Variants in MAF observed in about 807,000 individuals in gnomAD.
MAF encodes the protein MAF bZIP transcription factor, also known as transcription factor Maf.
In MAF, 10 loss-of-function variants were observed where a neutral mutation model predicts 22.0. The observed-to-expected ratio is 0.45, with a 90% confidence interval of 0.28 to 0.77. The LOEUF is 0.77. Ranked by LOEUF, MAF falls within the 30% of genes least tolerant of loss-of-function variation. The pLI is 0.12. For synonymous variants in MAF, 337 were observed against 255.8 expected (o/e 1.32, Z -3.03); for missense variants, 544 against 548.4 (o/e 0.99, Z 0.08).
At chr16:79,580,405 G>A in the MAF span, among the ~76,000 whole-genome samples, 2 of 152,172 alleles carry the variant, frequency 1.3e-5, no homozygotes. Flanking sequence ...GAATGCCTAG[G>A]ACACATCAAT....
the MAF span, among the ~76,000 whole-genome samples, chr16:79,229,044 C>G: frequency 6.6e-6 from 1 of 151,780 alleles, no homozygotes; most frequent in Admixed American, 6.6e-5. Flanking sequence ...AGAAAAAGCC[C>G]AATCAGCCAC....
the MAF span, among the ~76,000 whole-genome samples, chr16:79,513,645 C>T: frequency 6.6e-6 from 1 of 152,166 alleles, no homozygotes; most frequent in Non-Finnish European, 1.5e-5. Flanking sequence ...CTTAATCTCC[C>T]TGTCCCTCTG....
chr16:79,466,139 C>A, the MAF span, among the ~76,000 whole-genome samples: 2 of 152,138 alleles, frequency 1.3e-5, no homozygotes, highest in African/African-American at 4.8e-5. Context: ...TACTACCTGG[C>A]CTTCTACAAT....
the MAF span, among the ~76,000 whole-genome samples, chr16:79,454,734 G>A: frequency 6.6e-6 from 1 of 151,658 alleles, no homozygotes; most frequent in African/African-American, 2.4e-5. Flanking sequence ...TCAGCATGGT[G>A]ACCTGGAGAG....
At chr16:79,211,364 C>G in the MAF span, among the ~76,000 whole-genome samples, 39 of 152,142 alleles carry the variant, frequency 2.6e-4, no homozygotes, top group African/African-American at 8.9e-4. Flanking sequence ...AAGCCTGTCC[C>G]TGTATGAGGT....
the MAF span, among the ~76,000 whole-genome samples, chr16:79,527,870 G>T: frequency 1.3e-4 from 20 of 152,128 alleles, no homozygotes; most frequent in Non-Finnish European, 8.8e-5. Flanking sequence ...GGCTTGGCAT[G>T]GTGGCTCACA....
chr16:79,296,339 G>C, the MAF span, among the ~76,000 whole-genome samples: 3 of 152,114 alleles, frequency 2.0e-5, no homozygotes, highest in Admixed American at 6.5e-5. Flanking sequence ...TGGACACAGG[G>C]AGGGGAACAA....
the MAF span, among the ~76,000 whole-genome samples, chr16:79,528,781 G>C: frequency 1.3e-5 from 2 of 152,102 alleles, no homozygotes; most frequent in African/African-American, 4.8e-5. Flanking sequence ...CCCTGAAAAT[G>C]AAATTGGCTG....
At chr16:79,449,082 A>G in the MAF span, among the ~76,000 whole-genome samples, 2 of 152,208 alleles carry the variant, frequency 1.3e-5, no homozygotes, top group African/African-American at 4.8e-5. Context: ...ATCATCAGGC[A>G]TTAGATCCTC....
the MAF span, among the ~76,000 whole-genome samples, chr16:79,464,977 T>G: frequency 6.6e-6 from 1 of 152,192 alleles, no homozygotes; most frequent in African/African-American, 2.4e-5. Context: ...ATGAGAAATG[T>G]GGCTGAGTAT....
At chr16:79,567,443 C>T in the MAF span, among the ~76,000 whole-genome samples, 11 of 152,010 alleles carry the variant, frequency 7.2e-5, no homozygotes, top group South Asian at 1.7e-3. Context: ...AACTGAGAAA[C>T]GGATCCATAG....
At chr16:79,550,136 A>C in the MAF span, among the ~76,000 whole-genome samples, 4 of 152,126 alleles carry the variant, frequency 2.6e-5, no homozygotes, top group Non-Finnish European at 5.9e-5. Flanking sequence ...CCCCCAGGGC[A>C]TCTGCAGAGC....
chr16:79,299,347 G>GAAAAAAAAAAAAAAAAAAA, the MAF span, among the ~76,000 whole-genome samples: 1 of 86,822 alleles, frequency 1.2e-5, no homozygotes, highest in Non-Finnish European at 2.5e-5. Flanking sequence ...CAAAGAAAAA[G>GAAAAAAAAAAAAAAAAAAA]AAAAAAAAAA....
chr16:79,210,286 C>A, the MAF span, among the ~76,000 whole-genome samples: 1 of 152,206 alleles, frequency 6.6e-6, no homozygotes, highest in Non-Finnish European at 1.5e-5. Context: ...GCAGATTCTT[C>A]ACGTCGTAAC....
At chr16:79,363,823 A>G in the MAF span, among the ~76,000 whole-genome samples, 1 of 152,194 alleles carries the variant, frequency 6.6e-6, no homozygotes, top group Non-Finnish European at 1.5e-5. Flanking sequence ...ATCTAAGTGA[A>G]GGAAGAGAAG....
At chr16:79,344,192 C>A in the MAF span, among the ~76,000 whole-genome samples, 7 of 152,186 alleles carry the variant, frequency 4.6e-5, no homozygotes, top group Admixed American at 4.6e-4. Context: ...ATCTATACTG[C>A]TCAACAGCCC....
At chr16:79,371,837 G>A in the MAF span, among the ~76,000 whole-genome samples, 6 of 152,216 alleles carry the variant, frequency 3.9e-5, no homozygotes, top group Non-Finnish European at 4.4e-5. Flanking sequence ...ATGCAGCTCT[G>A]CCGAGGCAGA....
the MAF span, chr16:79,204,790 C>T: frequency 6.6e-6 from 1 of 152,168 alleles, no homozygotes; most frequent in Non-Finnish European, 1.5e-5. Flanking sequence ...CTATTTTTCT[C>T]TAAAACTTAA....
At chr16:79,376,038 A>C in the MAF span, among the ~76,000 whole-genome samples, 1 of 152,204 alleles carries the variant, frequency 6.6e-6, no homozygotes, top group Non-Finnish European at 1.5e-5. Context: ...ACTCATCGGC[A>C]GACTTTTTTC....
Sources: allele counts gnomAD v4.1 joint callset (sites outside exome capture counted in the v4.1 genomes callset), GRCh38; gene constraint gnomAD v4.1.1; transcripts MANE v1.5; gene names NCBI Gene and HGNC (gene_info 2026-07-23, HGNC 2026-07-21).